Variants in NTM observed in about 807,000 individuals in gnomAD.
NTM encodes the protein IgLON family member 2.
A neutral mutation model predicts 42.1 loss-of-function variants in NTM; 13 were observed. The ratio of observed to expected loss-of-function variants is 0.31; its 90% CI spans 0.20 to 0.49. The LOEUF is 0.49. Ranked by LOEUF, NTM falls within the 20% of genes least tolerant of loss-of-function variation. The pLI, the probability that NTM is intolerant of heterozygous loss-of-function variation, is 0.99. For synonymous variants in NTM, 187 were observed against 179.2 expected (o/e 1.04, Z -0.35); for missense variants, 373 against 452.8 (o/e 0.82, Z 1.60).
At chr11:132,076,365 C>T (rs2058364036) in intron 2 of NTM, among the ~76,000 whole-genome samples, 1 of 152,152 alleles carries the variant, frequency 6.6e-6, no homozygotes, top group African/African-American at 2.4e-5. Context: ...GGACCATGGG[C>T]TGCATTAGCT....
intron 1 of NTM, among the ~76,000 whole-genome samples, chr11:131,775,153 A>T (rs1433481840): frequency 2.0e-5 from 3 of 152,248 alleles, no homozygotes; most frequent in Non-Finnish European, 4.4e-5. Flanking sequence ...AATTTACAAA[A>T]CAGTCACCTG....
chr11:131,598,758 C>A (rs868856874), intron 1 of NTM, among the ~76,000 whole-genome samples: 1 of 33,366 alleles, frequency 3.0e-5, no homozygotes, highest in African/African-American at 9.5e-5. Flanking sequence ...TTTCTTTCTT[C>A]TTTCTTTTTT....
chr11:132,234,326 GA>G (rs899926036), intron 4 of NTM, among the ~76,000 whole-genome samples: 2 of 152,160 alleles, frequency 1.3e-5, no homozygotes, highest in African/African-American at 4.8e-5. Context: ...ATCTTCCCAG[GA>G]GGAGCACATT....
At chr11:131,669,079 T>TC (rs2069630566) in intron 1 of NTM, among the ~76,000 whole-genome samples, 1 of 152,116 alleles carries the variant, frequency 6.6e-6, no homozygotes, top group African/African-American at 2.4e-5. Context: ...AGAGTCCCTG[T>TC]CCCGGTTTCT....
chr11:131,444,159 G>A (rs908238943), intron 1 of NTM, among the ~76,000 whole-genome samples: 1 of 129,640 alleles, frequency 7.7e-6, no homozygotes. Context: ...GGTAGAGAAA[G>A]GGAAGTCAAA....
chr11:131,753,410 A>G (rs534926856), intron 1 of NTM, among the ~76,000 whole-genome samples: 2 of 152,232 alleles, frequency 1.3e-5, no homozygotes, highest in African/African-American at 2.4e-5. Flanking sequence ...CAAAAGGACT[A>G]TAAATCATGC....
At chr11:131,589,172 TGTGTG>T (rs2059147189) in intron 1 of NTM, among the ~76,000 whole-genome samples, 2 of 146,652 alleles carry the variant, frequency 1.4e-5, no homozygotes, top group Admixed American at 6.7e-5. Flanking sequence ...GAAAAATGTG[TGTGTG>T]TGTGTGTGTG....
intron 1 of NTM, among the ~76,000 whole-genome samples, chr11:131,375,125 T>A (rs1276776307): frequency 6.6e-6 from 1 of 152,140 alleles, no homozygotes; most frequent in African/African-American, 2.4e-5. Context: ...CATAGCTCCA[T>A]GGGGGACATG....
intron 1 of NTM, among the ~76,000 whole-genome samples, chr11:131,603,798 G>A (rs978320446): frequency 2.0e-5 from 3 of 152,166 alleles, no homozygotes; most frequent in Non-Finnish European, 2.9e-5. Context: ...GGTCTTATGT[G>A]ACTTATTTCT....
intron 1 of NTM, among the ~76,000 whole-genome samples, chr11:131,523,688 CTGAGACAGAAGAA>C (rs906401711): frequency 6.9e-6 from 1 of 145,522 alleles, no homozygotes; most frequent in African/African-American, 2.6e-5. Context: ...ACTCAGGAGG[CTGAGACAGAAGAA>C]TAGCTTGAAC....
intron 2 of NTM, among the ~76,000 whole-genome samples, chr11:132,066,592 C>T (rs1410902492): frequency 2.6e-5 from 4 of 152,142 alleles, no homozygotes; most frequent in Non-Finnish European, 4.4e-5. Flanking sequence ...TTGGCAGAGC[C>T]GCAGGAGCGT....
chr11:131,667,271 G>C (rs1243157036), intron 1 of NTM, among the ~76,000 whole-genome samples: 1 of 152,128 alleles, frequency 6.6e-6, no homozygotes, highest in East Asian at 1.9e-4. Flanking sequence ...GGTTGTTCTT[G>C]TTCCAGCCAC....
intron 5 of NTM, among the ~76,000 whole-genome samples, chr11:132,309,647 C>T (rs574108067): frequency 4.6e-5 from 7 of 152,258 alleles, no homozygotes; most frequent in South Asian, 2.1e-4. Context: ...TTTCTTAGAG[C>T]GGCATCAAAA....
intron 4 of NTM, among the ~76,000 whole-genome samples, chr11:132,290,964 C>CTGAA (rs1415654748): frequency 6.6e-6 from 1 of 152,010 alleles, no homozygotes; most frequent in African/African-American, 2.4e-5. Context: ...TCCGTTAGAT[C>CTGAA]TGAACCACAT....
intron 4 of NTM, among the ~76,000 whole-genome samples, chr11:132,212,796 G>C (rs1354971369): frequency 1.3e-5 from 2 of 152,126 alleles, no homozygotes; most frequent in African/African-American, 2.4e-5. Flanking sequence ...TATTAAGCTA[G>C]CTTTTATTTG....
At chr11:131,416,151 T>G (rs2135790055) in intron 1 of NTM, among the ~76,000 whole-genome samples, 1 of 152,270 alleles carries the variant, frequency 6.6e-6, no homozygotes, top group Admixed American at 6.5e-5. Flanking sequence ...CTGGCAACTA[T>G]ATTTGGTACA....
At chr11:131,473,623 C>A (rs11222662) in intron 1 of NTM, among the ~76,000 whole-genome samples, 1 of 152,080 alleles carries the variant, frequency 6.6e-6, no homozygotes, top group Non-Finnish European at 1.5e-5. Flanking sequence ...AGCTTGGAAG[C>A]ATAACTGAGC....
intron 2 of NTM, among the ~76,000 whole-genome samples, chr11:131,914,081 C>G (rs1017814548): frequency 2.0e-5 from 3 of 152,206 alleles, no homozygotes. Context: ...CCCCTGAACT[C>G]TCAAACATAG....
At chr11:132,213,569 T>C (rs985878220) in intron 4 of NTM, among the ~76,000 whole-genome samples, 4 of 152,010 alleles carry the variant, frequency 2.6e-5, no homozygotes, top group Non-Finnish European at 5.9e-5. Context: ...CAGTGTCCAC[T>C]ATACTTCAAC....
Sources: gnomAD v4.1 joint callset for allele counts (sites outside exome capture counted in the v4.1 genomes callset) on GRCh38, gnomAD v4.1.1 for gene constraint, MANE v1.5 for transcripts, NCBI Gene and HGNC (gene_info 2026-07-23, HGNC 2026-07-21) for gene names.